Variants in VRTN observed in about 807,000 individuals in gnomAD.
The protein encoded by VRTN is vertnin.
VRTN carries 5 observed loss-of-function variants against 18.2 expected under a neutral mutation model. The ratio of observed to expected loss-of-function variants is 0.27; its 90% CI spans 0.14 to 0.58. The LOEUF is 0.58. Ranked by LOEUF, VRTN falls within the 20% of genes least tolerant of loss-of-function variation. VRTN has a pLI of 0.91. For missense variants in VRTN, 741 were observed against 939.4 expected, an observed-to-expected ratio of 0.79 and a Z score of 2.76; for synonymous variants, 381 against 393.7, an observed-to-expected ratio of 0.97 and a Z score of 0.38.
chr14:74,341,771 G>A (rs2085606877), intron 2 of VRTN, among the ~76,000 whole-genome samples: 1 of 151,938 alleles, frequency 6.6e-6, no homozygotes, highest in African/African-American at 2.4e-5. Context: ...CACATGCCTC[G>A]GCCTCTCAAA....
intron 1 of VRTN, among the ~76,000 whole-genome samples, chr14:74,356,059 T>C (rs2085725336): frequency 6.6e-6 from 1 of 152,150 alleles, no homozygotes; most frequent in African/African-American, 2.4e-5. Flanking sequence ...CTTGAACTCC[T>C]GGACTCAAGC....
At chr14:74,331,551 T>C (rs1448567918) in intron 1 of VRTN, among the ~76,000 whole-genome samples, 1 of 34,798 alleles carries the variant, frequency 2.9e-5, no homozygotes, top group African/African-American at 2.2e-4. Context: ...ATTTTATATA[T>C]ATATATATAT....
intron 1 of VRTN, among the ~76,000 whole-genome samples, chr14:74,354,561 C>T (rs530576651): frequency 1.3e-5 from 2 of 152,098 alleles, no homozygotes; most frequent in Non-Finnish European, 2.9e-5. Flanking sequence ...TGTGCTGCCA[C>T]TCCTGGCTAA....
Position 74,329,733 on chromosome 14 carries a change from C to T in VRTN, c.-163-7990C>T, listed in dbSNP as rs559911361. On this transcript the variant is annotated intron_variant, in intron 1 of 2. Coordinates refer to the VRTN transcript ENST00000557177. ...AGCTGGGACTACAGGTATGTGCCAC[C>T]ATGCCCAGCTAATTTTTGTATTTTT... is the stretch of plus-strand genomic sequence containing the variant. Among the ~76,000 whole-genome samples the T allele has an allele frequency of 2.0e-5, 3 of 152,068 alleles. No individual in the cohort carries two copies. In the East Asian group the frequency reaches 5.8e-4, roughly 29 times the overall value.
At chr14:74,303,843 A>ATT (rs67822776) in intron 1 of VRTN, among the ~76,000 whole-genome samples, 1,197 of 88,478 alleles carry the variant, frequency 0.014, 27 homozygotes, top group African/African-American at 0.029. Flanking sequence ...ACAATTACAG[A>ATT]TTTTTTTTTT....
rs1179288923 is a variant in VRTN, at chr14:74,358,461, G to A, written c.1678G>A (p.Val560Met). The A allele has an allele frequency of 1.2e-6, 2 of 1,614,182 alleles. No individual in the cohort carries two copies. Among genetic ancestry groups the A allele is most frequent in the Non-Finnish European group, 8.5e-7 (1 of 1,180,022 alleles). ...GWPRGLSKLQ[V>M]PVPTLGKGGQ... ...GCCCAGAGGCCTGTCCAAACTTCAG[G>A]TGCCGGTCCCCACCTTGGGCAAAGG... is the stretch of plus-strand genomic sequence containing the variant. The change falls in exon 2 of 2, where the codon GTG becomes ATG. Residue 560 changes from valine (V) to methionine (M), a missense_variant. By Grantham distance (21) the Val-to-Met change is conservative. This residue lies in a region of VRTN where 494 missense variants were observed against 546.5 expected (regional missense o/e 0.90). Coordinates refer to ENST00000256362, the MANE Select transcript of VRTN (RefSeq NM_018228.3). The surrounding 1 kb of genome is among the most constrained non-coding windows in gnomAD (Gnocchi z 5.4).
chr14:74,345,819 G>A (rs1265150294), upstream of VRTN, among the ~76,000 whole-genome samples: 4 of 151,270 alleles, frequency 2.6e-5, no homozygotes, highest in Non-Finnish European at 5.9e-5. Flanking sequence ...AGCTACTGGG[G>A]AGGCTTAGGC....
intron 1 of VRTN, among the ~76,000 whole-genome samples, chr14:74,350,236 T>C (rs111444091): frequency 6.6e-6 from 1 of 151,980 alleles, no homozygotes; most frequent in Non-Finnish European, 1.5e-5. Context: ...CATCTGTGGG[T>C]TGGGAGTGAG....
intron 1 of VRTN, among the ~76,000 whole-genome samples, chr14:74,334,081 G>A (rs1567042101): frequency 6.6e-6 from 1 of 152,154 alleles, no homozygotes; most frequent in East Asian, 1.9e-4. Context: ...GCTCACCCAG[G>A]CAATGTGGTT....
At chr14:74,338,468 C>T (rs12881778) in intron 2 of VRTN, among the ~76,000 whole-genome samples, 41,708 of 152,146 alleles carry the variant, frequency 0.27, 6,272 homozygotes, top group Middle Eastern at 0.6. Context: ...ACTCTTCTGT[C>T]CTGACTGGAA....
upstream of VRTN, among the ~76,000 whole-genome samples, chr14:74,343,583 G>T (rs1694839410): frequency 6.6e-6 from 1 of 152,158 alleles, no homozygotes; most frequent in African/African-American, 2.4e-5. Context: ...AGATGGAAAT[G>T]ACCTTAATGT....
chr14:74,346,286 G>A (rs2085643992), upstream of VRTN, among the ~76,000 whole-genome samples: 1 of 152,074 alleles, frequency 6.6e-6, no homozygotes, highest in Non-Finnish European at 1.5e-5. Flanking sequence ...GCAACAGAGT[G>A]AAACCCTGTG....
chr14:74,323,136 A>C (rs1464969516), intron 1 of VRTN, among the ~76,000 whole-genome samples: 1 of 152,104 alleles, frequency 6.6e-6, no homozygotes, highest in Non-Finnish European at 1.5e-5. Context: ...CCATCTCAAA[A>C]AAAAAGCATA....
chr14:74,347,129 T>C (rs961496289), upstream of VRTN, among the ~76,000 whole-genome samples: 20 of 152,228 alleles, frequency 1.3e-4, no homozygotes, highest in Non-Finnish European at 2.6e-4. Context: ...GAGTTCTAAA[T>C]GTTTTAAATT....
chr14:74,345,024 CT>C (rs1386550970), upstream of VRTN, among the ~76,000 whole-genome samples: 21 of 152,026 alleles, frequency 1.4e-4, no homozygotes, highest in Non-Finnish European at 2.4e-4. Context: ...GAATCCTGAT[CT>C]TTTTGTAAAA....
upstream of VRTN, among the ~76,000 whole-genome samples, chr14:74,345,858 AG>A (rs1462626036): frequency 2.0e-5 from 3 of 146,502 alleles, no homozygotes; most frequent in East Asian, 6.5e-4. Context: ...TGGGAGTTGG[AG>A]GTTGAGGTGA....
At chr14:74,343,632 C>G (rs2085623078), upstream of VRTN, among the ~76,000 whole-genome samples, 1 of 152,088 alleles carries the variant, frequency 6.6e-6, no homozygotes, top group Non-Finnish European at 1.5e-5. Flanking sequence ...CACGCCCATG[C>G]ATTAAATGGA....
Position 74,358,151 on chromosome 14 carries a change from C to T in VRTN, c.1368C>T (p.Leu456=). The change falls in exon 2 of 2, where the codon CTC becomes CTT. Residue 456 remains leucine (L), a synonymous_variant. Coordinates refer to ENST00000256362, the MANE Select transcript of VRTN (RefSeq NM_018228.3). This position sits in a 1 kb window ranked among gnomAD's most constrained non-coding sequence, Gnocchi z 5.4. ...RNPSFKPAPA[L]SAAGTPQLAS... is the part of the protein sequence containing the mutation. The stretch of plus-strand genomic sequence containing the variant: ...CCAGCTTCAAGCCGGCACCAGCCCT[C>T]TCTGCTGCTGGGACTCCCCAGCTAG... 1 of 1,614,108 alleles carries T rather than the reference C, an allele frequency of 6.2e-7. No individual in the cohort carries two copies. The highest frequency in any genetic ancestry group is 8.5e-7 in the Non-Finnish European group (1 of 1,180,038).
intron 1 of VRTN, among the ~76,000 whole-genome samples, chr14:74,322,394 CCCT>C (rs1476912739): frequency 6.6e-6 from 1 of 152,096 alleles, no homozygotes; most frequent in East Asian, 1.9e-4. Context: ...GAGTGATTGT[CCCT>C]CCTCAGCCTC....
Sources: allele counts gnomAD v4.1 joint callset (sites outside exome capture counted in the v4.1 genomes callset), GRCh38; gene constraint gnomAD v4.1.1; regional missense constraint gnomAD v4.1.1; non-coding constraint Gnocchi (gnomAD v3.1); transcripts MANE v1.5; gene names NCBI Gene and HGNC (gene_info 2026-07-23, HGNC 2026-07-21).